Variants in PFKFB1 observed in about 807,000 individuals in gnomAD.
PFKFB1 encodes the protein 6-phosphofructo-2-kinase/fructose-2,6-biphosphatase 1, also known as 6-phosphofructo-2-kinase/fructose-2,6-bisphosphatase 1.
Under a neutral mutation model 46.4 loss-of-function variants are expected in PFKFB1, and 34 were observed. The observed-to-expected ratio is 0.73, with a 90% CI of 0.56 to 0.98. The LOEUF is 0.98. Ranked by LOEUF, PFKFB1 falls within the 50% of genes least tolerant of loss-of-function variation. The pLI is 0.00. For missense variants in PFKFB1, 393 were observed against 376.3 expected, an observed-to-expected ratio of 1.04 and a Z score of -0.37; for synonymous variants, 119 against 133.8, an observed-to-expected ratio of 0.89 and a Z score of 0.76.
chrX:54,963,463 A>G, intron 1 of PFKFB1, 81 bp from the exon 2 acceptor site: 2 of 1,001,075 alleles, frequency 2.0e-6, no homozygotes, highest in Non-Finnish European at 2.8e-6. Context: ...GTAGAGTTGT[A>G]AAGAACATGT....
At chrX:54,994,527 A>G, upstream of PFKFB1, 1 of 754,520 alleles carries the variant, frequency 1.3e-6, no homozygotes, top group Non-Finnish European at 1.6e-6. Context: ...GTCAAGCTCC[A>G]ACCCAGAAAC....
intron 1 of PFKFB1, among the ~76,000 whole-genome samples, chrX:54,964,385 T>C (rs1474245425): frequency 9.1e-6 from 1 of 110,168 alleles, no homozygotes. Flanking sequence ...TTAAGAGATA[T>C]ATTATCTCCA....
At chrX:54,995,509 G>A (rs1003385676), upstream of PFKFB1, among the ~76,000 whole-genome samples, 4 of 112,386 alleles carry the variant, frequency 3.6e-5, no homozygotes, top group Non-Finnish European at 7.5e-5. Context: ...AATCAACTGA[G>A]ATAGCAGATC....
intron 9 of PFKFB1, among the ~76,000 whole-genome samples, 178 bp from the exon 10 acceptor site, chrX:54,945,721 C>CGTGTGT (rs779266579): frequency 1.2e-3 from 103 of 88,729 alleles, no homozygotes; most frequent in Middle Eastern, 5.7e-3. Context: ...TGTGTGTGTG[C>CGTGTGT]GTGTGTGTGT....
Position 54,951,916 on chromosome X carries a change from G to A in PFKFB1, c.835C>T (p.Arg279Cys), listed in dbSNP as rs201795827. 1,202 of 1,197,325 alleles carry A rather than the reference G, an allele frequency of 1.0e-3. 11 individuals are homozygous for A. The South Asian group carries it at 0.014, about 14-fold the overall frequency. The change falls in exon 8 of 14, where the codon CGC becomes TGC. Residue 279 changes from arginine (R) to cysteine (C), a missense_variant. Physicochemically the swap from Arg to Cys is radical, Grantham distance 180. Transcript: ENST00000375006. ...RIGGDSGLSVRGKQYAYALAN... is the reference protein window; with the variant it reads ...RIGGDSGLSVCGKQYAYALAN... ...GTGGCCCACCCTACCTGCTTGCCGC[G>A]AACTGAGAGGCCAGAGTCACCTCCG...
intron 7 of PFKFB1, among the ~76,000 whole-genome samples, chrX:54,954,796 G>C (rs1393713493): frequency 8.9e-6 from 1 of 112,047 alleles, no homozygotes; most frequent in Non-Finnish European, 1.9e-5. Flanking sequence ...CACGTTCAGG[G>C]CTGGGACCTG....
rs1010422056 is a variant in PFKFB1 at position 54,994,102 on chromosome X, AG to A, written c.-96del. On this transcript the variant is annotated 5_prime_UTR_variant, in exon 1 of 14. Transcript: ENST00000375006. ...TCTTTTCTCTCGCTGTGGCCACAGCAGCAGGTGGACAGGGCTGGGACAGGGG... is the reference window on the plus strand; with the variant it reads ...TCTTTTCTCTCGCTGTGGCCACAGCACAGGTGGACAGGGCTGGGACAGGGG... The A allele has an allele frequency of 8.8e-7, 1 of 1,138,436 alleles. No homozygotes were observed. The highest frequency in any genetic ancestry group is 1.8e-5 in the African/African-American group (1 of 55,224). 93.8% of individuals were successfully genotyped at this position (1,138,436 alleles called of 1,213,427 possible). A position where few individuals can be genotyped will look rare whatever the true frequency, so the allele number is the denominator to read the frequency against.
At chrX:54,936,726 A>C in intron 11 of PFKFB1, among the ~76,000 whole-genome samples, 1 of 112,133 alleles carries the variant, frequency 8.9e-6, no homozygotes, top group Non-Finnish European at 1.9e-5. Context: ...GACCAGGCAG[A>C]GGAAATTCCT....
intron 1 of PFKFB1, among the ~76,000 whole-genome samples, chrX:54,964,712 C>T (rs759178786): frequency 1.8e-5 from 2 of 111,212 alleles, no homozygotes; most frequent in African/African-American, 6.5e-5. Flanking sequence ...CTTTTGGAGT[C>T]CCCTTTGTCT....
At chrX:54,968,612 G>A (rs910775846) in intron 1 of PFKFB1, among the ~76,000 whole-genome samples, 9 of 110,829 alleles carry the variant, frequency 8.1e-5, no homozygotes, top group Non-Finnish European at 1.5e-4. Context: ...ACATAAATTC[G>A]ACAACATAGA....
intron 2 of PFKFB1, among the ~76,000 whole-genome samples, chrX:54,962,551 T>G (rs1934346482): frequency 9.1e-6 from 1 of 110,191 alleles, no homozygotes; most frequent in Middle Eastern, 4.2e-3. Context: ...GTGAATTAGA[T>G]AAAGAGAACA....
In PFKFB1 at chrX:54,934,762, C is replaced by T. The variant is rs1345365816; in HGVS notation, c.1291+185G>A. Among the ~76,000 whole-genome samples the T allele has an allele frequency of 2.7e-5, 3 of 111,576 alleles. No individual in the cohort carries two copies. In the East Asian group the frequency reaches 8.5e-4, roughly 32 times the overall value. On this transcript the variant is annotated intron_variant, in intron 12 of 13. Coordinates refer to ENST00000375006, the MANE Select transcript of PFKFB1 (RefSeq NM_002625.4). Reference sequence around the variant, plus strand: ...TCAGAGCCAGCCCCAGATTTAGAAACCATCCTACTCTTTCCCTGTTATCCT... The same window carrying T: ...TCAGAGCCAGCCCCAGATTTAGAAATCATCCTACTCTTTCCCTGTTATCCT...
intron 1 of PFKFB1, 96 bp downstream of exon 1, chrX:54,993,815 G>A: frequency 9.2e-7 from 1 of 1,087,773 alleles, no homozygotes; most frequent in Non-Finnish European, 1.2e-6. Flanking sequence ...TTTAGGTTGA[G>A]GTAGGAGTGG....
chrX:54,949,970 C>A (rs1204467729), intron 8 of PFKFB1, among the ~76,000 whole-genome samples: 1 of 111,921 alleles, frequency 8.9e-6, no homozygotes, highest in East Asian at 2.8e-4. Context: ...GTGTTCGTGG[C>A]CCTGTGCTGG....
intron 8 of PFKFB1, among the ~76,000 whole-genome samples, chrX:54,950,463 G>T (rs1180562071): frequency 8.9e-6 from 1 of 112,241 alleles, no homozygotes; most frequent in Non-Finnish European, 1.9e-5. Context: ...CTGCGCAAGT[G>T]AGAGCTACCT....
At chrX:54,986,633 T>C (rs1272076231) in intron 1 of PFKFB1, among the ~76,000 whole-genome samples, 1 of 111,776 alleles carries the variant, frequency 8.9e-6, no homozygotes, top group African/African-American at 3.2e-5. Flanking sequence ...ATAGAACAAC[T>C]ACATAGAAGA....
chrX:54,969,814 T>C (rs1251827606), intron 1 of PFKFB1, among the ~76,000 whole-genome samples: 1 of 112,075 alleles, frequency 8.9e-6, no homozygotes, highest in Non-Finnish European at 1.9e-5. Context: ...AAAGGTAATA[T>C]AAGGCATGCA....
intron 1 of PFKFB1, among the ~76,000 whole-genome samples, chrX:54,986,062 C>T (rs747338864): frequency 1.8e-5 from 2 of 111,854 alleles, no homozygotes; most frequent in South Asian, 7.3e-4. Context: ...TAAATCAGAA[C>T]AGATTAATCA....
At chrX:54,995,103 T>C (rs1233656118), upstream of PFKFB1, among the ~76,000 whole-genome samples, 1 of 111,800 alleles carries the variant, frequency 8.9e-6, no homozygotes, top group African/African-American at 3.3e-5. Flanking sequence ...CCAGCCCAGA[T>C]GACTCACTCT....
Sources: gnomAD v4.1 joint callset for allele counts (sites outside exome capture counted in the v4.1 genomes callset) on GRCh38, gnomAD v4.1.1 for gene constraint, MANE v1.5 for transcripts, NCBI Gene and HGNC (gene_info 2026-07-23, HGNC 2026-07-21) for gene names.